Variants in TMEM11 observed in about 807,000 individuals in gnomAD.
TMEM11 encodes the protein transmembrane protein 11, mitochondrial.
Under a neutral mutation model 17.0 loss-of-function variants are expected in TMEM11, and 1 was observed. The ratio of observed to expected loss-of-function variants is 0.06; its 90% confidence interval spans 0.02 to 0.28. TMEM11 has a LOEUF of 0.28. TMEM11 is among the 10% of genes least tolerant of loss of function. The pLI, the probability that TMEM11 is intolerant of heterozygous loss-of-function variation, is 1.00. For synonymous variants in TMEM11, 122 were observed against 118.1 expected, an observed-to-expected ratio of 1.03 and a Z score of -0.21; for missense variants, 172 against 252.9, an observed-to-expected ratio of 0.68 and a Z score of 2.17.
Position 21,198,213 on chromosome 17 carries a change from C to G in TMEM11, c.*111G>C, listed in dbSNP as rs765766745. The G allele has an allele frequency of 7.3e-7, 1 of 1,376,580 alleles. No homozygotes were observed. The highest frequency in any genetic ancestry group is 9.9e-7 in the Non-Finnish European group (1 of 1,008,630). The allele number at this position is 1,376,580 out of a possible 1,614,324, so 85.3% of individuals were successfully genotyped here. On this transcript the variant is annotated 3_prime_UTR_variant, in exon 2 of 2. Coordinates refer to ENST00000317635, the MANE Select transcript of TMEM11 (RefSeq NM_003876.3). The surrounding 1 kb of genome is among the most constrained non-coding windows in gnomAD (Gnocchi z 6.5). ...TGTTATTTTTTAAAAATAACAAATA[C>G]TAAGCCAAACACCTGCCCAGGCTCT...
chr17:21,210,113 T>A (rs1308934688), intron 1 of TMEM11, among the ~76,000 whole-genome samples: 2 of 152,104 alleles, frequency 1.3e-5, no homozygotes, highest in Non-Finnish European at 2.9e-5. Flanking sequence ...CCCACCTCCG[T>A]GGACCCAGGC....
At chr17:21,205,339 C>G (rs956242869) in intron 1 of TMEM11, among the ~76,000 whole-genome samples, 1 of 152,088 alleles carries the variant, frequency 6.6e-6, no homozygotes, top group Non-Finnish European at 1.5e-5. Flanking sequence ...GTGGCCTGAG[C>G]CAGGGATACA....
rs774440633 is a variant in TMEM11, at chr17:21,204,987, T to C, written c.63-6147A>G. On this transcript the variant is annotated intron_variant, in intron 1 of 1. Transcript: ENST00000317635. ...CACTCATAAAGTGGGCATCTTGAAC[T>C]TCCTCCCTCAGCCTTCAACCAGAGT... is the stretch of plus-strand genomic sequence containing the variant. Among the ~76,000 whole-genome samples the C allele has an allele frequency of 5.9e-5, 9 of 152,222 alleles. No individual in the cohort carries two copies. In the South Asian group the frequency reaches 8.3e-4, roughly 14 times the overall value.
rs769358201 is a variant in TMEM11, at chr17:21,198,633, G to A, written c.270C>T (p.Thr90=). Residue 90 remains threonine, a synonymous_variant, in exon 2 of 2, where the codon ACC becomes ACT. Coordinates refer to ENST00000317635, the MANE Select transcript of TMEM11 (RefSeq NM_003876.3). The surrounding 1 kb of genome is among the most constrained non-coding windows in gnomAD (Gnocchi z 6.5). The stretch of plus-strand genomic sequence containing the variant: ...GCGCCAACGGGGTGAAGAGGCAGGC[G>A]GTGCCCGCCAGCACGGCCGTCTTGT... The part of the protein sequence containing the change: ...CLHKTAVLAG[T]ACLFTPLALP... 1.1e-5 allele frequency: 17 copies of A among 1,613,032 alleles called. No individual in the cohort carries two copies. The highest frequency in any genetic ancestry group is 4.0e-5 in the African/African-American group (3 of 74,956).
Position 21,198,411 on chromosome 17 carries a change from G to A in TMEM11, c.492C>T (p.Asp164=), listed in dbSNP as rs1567634566. 1 of 1,614,248 alleles carries A rather than the reference G, an allele frequency of 6.2e-7. No individual in the cohort carries two copies. Among genetic ancestry groups the A allele is most frequent in the Non-Finnish European group, 8.5e-7 (1 of 1,180,058 alleles). Residue 164 remains aspartate (D), a synonymous_variant, in exon 2 of 2, where the codon GAC becomes GAT. Coordinates refer to ENST00000317635, the MANE Select transcript of TMEM11 (RefSeq NM_003876.3). The surrounding 1 kb of genome is among the most constrained non-coding windows in gnomAD (Gnocchi z 6.5). ...TGTTGTGCAGTCTCTTTCTGTGCAG[G>A]TCGTCCTTCCGGACCAGCACCACCG... The part of the protein sequence containing the change: ...STPVVLVRKD[D]LHRKRLHNTI...
intron 1 of TMEM11, chr17:21,213,017 AG>A: frequency 6.6e-6 from 1 of 152,290 alleles, no homozygotes; most frequent in Non-Finnish European, 1.5e-5. Context: ...ACTGCCAAAC[AG>A]GAAGAATCTT....
At chr17:21,204,122 TAAAA>T (rs61174663) in intron 1 of TMEM11, among the ~76,000 whole-genome samples, 2 of 138,214 alleles carry the variant, frequency 1.4e-5, no homozygotes, top group Admixed American at 7.3e-5. Flanking sequence ...AGTCTATGTT[TAAAA>T]AAAAAAAAAA....
intron 1 of TMEM11, among the ~76,000 whole-genome samples, chr17:21,201,277 G>C (rs571503246): frequency 6.6e-6 from 1 of 152,230 alleles, no homozygotes; most frequent in Non-Finnish European, 1.5e-5. Flanking sequence ...TGGGCAAACG[G>C]AACTCTTTAT....
chr17:21,200,443 G>A (rs1258733506), intron 1 of TMEM11, among the ~76,000 whole-genome samples: 1 of 152,238 alleles, frequency 6.6e-6, no homozygotes, highest in African/African-American at 2.4e-5. Flanking sequence ...TAGCTCTTGA[G>A]GCTGGATCAA....
At chr17:21,206,492 CAAGT>C (rs1348409200) in intron 1 of TMEM11, among the ~76,000 whole-genome samples, 3 of 152,150 alleles carry the variant, frequency 2.0e-5, no homozygotes, top group African/African-American at 7.2e-5. Context: ...ACTGGGATTA[CAAGT>C]AAGAGCCATT....
chr17:21,210,546 G>A (rs1328886557), intron 1 of TMEM11, among the ~76,000 whole-genome samples: 1 of 152,154 alleles, frequency 6.6e-6, no homozygotes, highest in East Asian at 1.9e-4. Context: ...GATCAGAAAG[G>A]GAAGCTGTCA....
At chr17:21,214,069 G>A (rs1975034813) in intron 1 of TMEM11, 22 bp downstream of exon 1, 5 of 1,604,164 alleles carry the variant, frequency 3.1e-6, no homozygotes, top group Admixed American at 1.7e-5. Context: ...TGCACTGGGG[G>A]CAACAAGCCC....
intron 1 of TMEM11, among the ~76,000 whole-genome samples, chr17:21,205,918 G>A (rs906048287): frequency 1.6e-4 from 24 of 152,002 alleles, no homozygotes; most frequent in Admixed American, 1.2e-3. Context: ...ATGTTCCACC[G>A]TATGCATAAA....
At chr17:21,209,856 G>A (rs1234049661) in intron 1 of TMEM11, among the ~76,000 whole-genome samples, 1 of 152,220 alleles carries the variant, frequency 6.6e-6, no homozygotes, top group Non-Finnish European at 1.5e-5. Flanking sequence ...CACGCCAGGA[G>A]TCTGTCATGC....
chr17:21,208,752 C>T (rs563587845), intron 1 of TMEM11, among the ~76,000 whole-genome samples: 8 of 152,272 alleles, frequency 5.3e-5, no homozygotes, highest in South Asian at 4.1e-4. Flanking sequence ...GCATTTTCAT[C>T]GTAGTTTCCC....
chr17:21,198,219 C>T lies in TMEM11; in HGVS notation c.*105G>A. 1 of 1,418,860 alleles carries T rather than the reference C, an allele frequency of 7.0e-7. No homozygotes were observed. The highest frequency in any genetic ancestry group is 1.4e-5 in the African/African-American group (1 of 69,710). 87.9% of individuals were successfully genotyped at this position (1,418,860 alleles called of 1,614,324 possible). ...TTTTTAAAAATAACAAATACTAAGC[C>T]AAACACCTGCCCAGGCTCTGCTGCC... On this transcript the variant is annotated 3_prime_UTR_variant, in exon 2 of 2. Coordinates refer to ENST00000317635, the MANE Select transcript of TMEM11 (RefSeq NM_003876.3). This position sits in a 1 kb window ranked among gnomAD's most constrained non-coding sequence, Gnocchi z 6.5.
intron 1 of TMEM11, among the ~76,000 whole-genome samples, chr17:21,204,899 TCAGG>T (rs2144299796): frequency 6.6e-6 from 1 of 152,186 alleles, no homozygotes; most frequent in South Asian, 2.1e-4. Context: ...TTCCAGCACC[TCAGG>T]GGGACTGCTG....
At chr17:21,199,281 C>G (rs987869956) in intron 1 of TMEM11, among the ~76,000 whole-genome samples, 16 of 134,802 alleles carry the variant, frequency 1.2e-4, no homozygotes, top group African/African-American at 4.3e-4. Flanking sequence ...GAGCCGAGAT[C>G]GTGCCATTGC....
intron 1 of TMEM11, among the ~76,000 whole-genome samples, chr17:21,207,623 C>T (rs1974956270): frequency 6.6e-6 from 1 of 152,004 alleles, no homozygotes; most frequent in African/African-American, 2.4e-5. Context: ...CGCGGTGGCT[C>T]ACGCCTGTAA....
Sources: allele counts gnomAD v4.1 joint callset (sites outside exome capture counted in the v4.1 genomes callset), GRCh38; gene constraint gnomAD v4.1.1; non-coding constraint Gnocchi (gnomAD v3.1); transcripts MANE v1.5; gene names NCBI Gene and HGNC (gene_info 2026-07-23, HGNC 2026-07-21).